Variants in SCMH1 observed in about 807,000 individuals in gnomAD.
SCMH1 encodes Scm polycomb group protein homolog 1.
A neutral mutation model predicts 70.8 loss-of-function variants in SCMH1; 37 were observed. That is an observed-to-expected ratio of 0.52 (90% CI 0.40 to 0.69). The LOEUF (loss-of-function observed/expected upper bound fraction) is 0.69, where lower values mean the gene tolerates loss of function less well. SCMH1 is among the 30% of genes least tolerant of loss of function. The pLI, the probability that SCMH1 is intolerant of heterozygous loss-of-function variation, is 0.00. For synonymous variants in SCMH1, 292 were observed against 307.4 expected (o/e 0.95, Z 0.52); for missense variants, 607 against 827.3 (o/e 0.73, Z 3.27).
intron 1 of SCMH1, among the ~76,000 whole-genome samples, chr1:41,237,264 G>A (rs1662573427): frequency 6.6e-6 from 1 of 152,132 alleles, no homozygotes; most frequent in Non-Finnish European, 1.5e-5. Flanking sequence ...CTACCAGTGA[G>A]ATCTTGTATG....
At chr1:41,064,525 A>G (rs886555004) in intron 10 of SCMH1, among the ~76,000 whole-genome samples, 3 of 152,232 alleles carry the variant, frequency 2.0e-5, no homozygotes, top group East Asian at 1.9e-4. Context: ...CCTGGAATTA[A>G]TAAGTGATTA....
At position 41,028,391 on chromosome 1, in the gene SCMH1, G is replaced by T; in HGVS notation, c.1822-72C>A. On this transcript the variant is annotated intron_variant, in intron 14 of 14. Coordinates refer to ENST00000337495, the Ensembl canonical transcript of SCMH1. ...AGTCCTGGTTGGTCTGACCACCCCAGGTTCTGATTATAGGCCATCCTGGGA... is the reference window on the plus strand; with the variant it reads ...AGTCCTGGTTGGTCTGACCACCCCATGTTCTGATTATAGGCCATCCTGGGA... The T allele has an allele frequency of 3.1e-6, 5 of 1,587,330 alleles. No homozygotes were observed. In the South Asian group the frequency reaches 5.8e-5, roughly 18 times the overall value.
chr1:41,134,902 A>AT (rs1013324257), intron 6 of SCMH1, among the ~76,000 whole-genome samples: 47 of 150,520 alleles, frequency 3.1e-4, no homozygotes, highest in African/African-American at 9.5e-4. Context: ...CTGGTTTATT[A>AT]TTTTTTTTTG....
At chr1:41,116,152 T>A (rs1670419542) in intron 7 of SCMH1, among the ~76,000 whole-genome samples, 1 of 152,240 alleles carries the variant, frequency 6.6e-6, no homozygotes, top group African/African-American at 2.4e-5. Context: ...ACAGCTGGCA[T>A]AACAAAGTCT....
rs115498328 is a variant in SCMH1 at position 41,195,432 on chromosome 1, T to C, written c.-117-9182A>G. On this transcript the variant is annotated intron_variant, in intron 1 of 14. Coordinates refer to ENST00000337495, the Ensembl canonical transcript of SCMH1. ...TTCAACATATGAAAATCAATTAACATAATATACCATAAATAGAATGAAGTA... is the reference window on the plus strand; with the variant it reads ...TTCAACATATGAAAATCAATTAACACAATATACCATAAATAGAATGAAGTA... Among the ~76,000 whole-genome samples the C allele has an allele frequency of 8.5e-3, 1,294 of 151,688 alleles. 8 individuals carry two copies. The highest frequency in any genetic ancestry group is 0.012 in the Non-Finnish European group (835 of 67,906).
At chr1:41,231,611 C>T (rs1433449402) in intron 1 of SCMH1, among the ~76,000 whole-genome samples, 1 of 152,172 alleles carries the variant, frequency 6.6e-6, no homozygotes, top group African/African-American at 2.4e-5. Flanking sequence ...TATGACAGGA[C>T]CCCATCCAGT....
intron 1 of SCMH1, among the ~76,000 whole-genome samples, chr1:41,232,402 C>T (rs11209734): frequency 0.11 from 16,485 of 152,066 alleles, 1,272 homozygotes; most frequent in East Asian, 0.27. Flanking sequence ...TTTTGTTTGC[C>T]GACATTGTTT....
intron 2 of SCMH1, among the ~76,000 whole-genome samples, chr1:41,182,315 G>A (rs140558179): frequency 1.3e-5 from 2 of 152,110 alleles, no homozygotes; most frequent in Admixed American, 6.5e-5. Context: ...TAACCTGCAC[G>A]TTGTGCACAT....
Position 41,070,739 on chromosome 1 carries a change from A to G in SCMH1, c.979-18T>C, listed in dbSNP as rs767982090. 2.0e-5 allele frequency: 32 copies of G among 1,612,166 alleles called. No homozygotes were observed. Among genetic ancestry groups the G allele is most frequent in the Non-Finnish European group, 2.5e-5 (30 of 1,178,892 alleles). On this transcript the variant is annotated intron_variant, in intron 9 of 14. Coordinates refer to ENST00000337495, the Ensembl canonical transcript of SCMH1. Reference sequence around the variant, plus strand: ...GGTTTCCTCTGTCAAAATGAATGGGAAAAAAATTGCTACCCATGACAGGTC... The same window carrying G: ...GGTTTCCTCTGTCAAAATGAATGGGGAAAAAATTGCTACCCATGACAGGTC...
At chr1:41,110,370 T>C (rs1238935251) in intron 8 of SCMH1, among the ~76,000 whole-genome samples, 1 of 152,216 alleles carries the variant, frequency 6.6e-6, no homozygotes, top group Non-Finnish European at 1.5e-5. Context: ...TCTAAGATAT[T>C]CAGAGTTGTG....
chr1:41,068,031 A>G (rs1158938516), intron 10 of SCMH1, among the ~76,000 whole-genome samples: 1 of 152,252 alleles, frequency 6.6e-6, no homozygotes, highest in African/African-American at 2.4e-5. Context: ...ACAAGATGCA[A>G]ATCTCCAACC....
intron 9 of SCMH1, 56 bp from the exon 10 acceptor site, chr1:41,070,777 A>G: frequency 6.3e-7 from 1 of 1,599,778 alleles, no homozygotes; most frequent in Non-Finnish European, 8.5e-7. Context: ...TTCATTCCCT[A>G]TTCTTGGCAC....
chr1:41,210,579 G>A (rs990230560), intron 1 of SCMH1, among the ~76,000 whole-genome samples: 2 of 152,134 alleles, frequency 1.3e-5, no homozygotes, highest in African/African-American at 2.4e-5. Flanking sequence ...CTGATCTTTT[G>A]CAAACCTGAC....
At chr1:41,133,798 A>G (rs1052261990) in intron 6 of SCMH1, among the ~76,000 whole-genome samples, 6 of 152,204 alleles carry the variant, frequency 3.9e-5, no homozygotes, top group Admixed American at 3.3e-4. Context: ...TTAATAGCCT[A>G]CCAACCAAAA....
intron 6 of SCMH1, among the ~76,000 whole-genome samples, chr1:41,131,299 A>G (rs1342825786): frequency 6.6e-6 from 1 of 152,188 alleles, no homozygotes; most frequent in African/African-American, 2.4e-5. Context: ...ATAGCTTTGT[A>G]GTAAGTTTTG....
intron 12 of SCMH1, chr1:41,041,347 G>A (rs1646139987): frequency 6.6e-6 from 1 of 152,172 alleles, no homozygotes; most frequent in Non-Finnish European, 1.5e-5. Context: ...TGAGAATGGT[G>A]AAAAAGATAT....
At chr1:41,153,209 C>T (rs1645225313) in intron 4 of SCMH1, among the ~76,000 whole-genome samples, 1 of 152,220 alleles carries the variant, frequency 6.6e-6, no homozygotes, top group Non-Finnish European at 1.5e-5. Flanking sequence ...TAGAGCAGCA[C>T]TGTCCAATAA....
At chr1:41,036,227 C>G (rs1275315787) in intron 13 of SCMH1, among the ~76,000 whole-genome samples, 2 of 152,152 alleles carry the variant, frequency 1.3e-5, no homozygotes, top group African/African-American at 4.8e-5. Flanking sequence ...TAACTTCAGC[C>G]CAGCACTCTT....
At chr1:41,140,143 C>G (rs1207195606) in intron 6 of SCMH1, among the ~76,000 whole-genome samples, 1 of 152,062 alleles carries the variant, frequency 6.6e-6, no homozygotes, top group Non-Finnish European at 1.5e-5. Context: ...CGGAATAAAG[C>G]AAATGAGTTA....
Sources: gnomAD v4.1 joint callset for allele counts (sites outside exome capture counted in the v4.1 genomes callset) on GRCh38, gnomAD v4.1.1 for gene constraint, MANE v1.5 for transcripts, NCBI Gene and HGNC (gene_info 2026-07-23, HGNC 2026-07-21) for gene names.